NOS1AP: variants seen among roughly 807,000 people sequenced by gnomAD.
The protein encoded by NOS1AP is nitric oxide synthase 1 adaptor protein.
Under a neutral mutation model 56.2 loss-of-function variants are expected in NOS1AP, and 21 were observed. The ratio of observed to expected loss-of-function variants is 0.37; its 90% CI spans 0.26 to 0.54. The LOEUF is 0.54. Among genes scored for constraint, NOS1AP ranks in the 20% least tolerant of loss-of-function variants. NOS1AP has a pLI of 0.84. For synonymous variants in NOS1AP, 270 were observed against 274.6 expected (o/e 0.98, Z 0.17); for missense variants, 522 against 657.8 (o/e 0.79, Z 2.26).
At chr1:162,160,563 C>T (rs1221365899) in intron 2 of NOS1AP, among the ~76,000 whole-genome samples, 2 of 152,124 alleles carry the variant, frequency 1.3e-5, no homozygotes, top group East Asian at 1.9e-4. Flanking sequence ...CGCTTCGGCA[C>T]GTGGTCTCAT....
chr1:162,130,158 T>TA (rs1461638856), intron 1 of NOS1AP, among the ~76,000 whole-genome samples: 3 of 152,226 alleles, frequency 2.0e-5, no homozygotes, highest in Non-Finnish European at 4.4e-5. Context: ...CAGGTGGAGT[T>TA]ACGGCTATTT....
At chr1:162,323,816 C>T (rs1332268447) in intron 4 of NOS1AP, among the ~76,000 whole-genome samples, 3 of 152,238 alleles carry the variant, frequency 2.0e-5, no homozygotes, top group African/African-American at 7.2e-5. Flanking sequence ...GCAACCTCGA[C>T]TGAGCCTTTG....
intron 1 of NOS1AP, among the ~76,000 whole-genome samples, chr1:162,112,260 T>C (rs1197281273): frequency 6.6e-6 from 1 of 152,202 alleles, no homozygotes; most frequent in Non-Finnish European, 1.5e-5. Context: ...ACATTTTTAC[T>C]TGGCATGGCC....
intron 2 of NOS1AP, among the ~76,000 whole-genome samples, chr1:162,256,462 G>A (rs188752943): frequency 1.4e-3 from 219 of 152,280 alleles, no homozygotes; most frequent in East Asian, 6.6e-3. Flanking sequence ...TCCCCGCACC[G>A]ATTGTGGACA....
chr1:162,269,330 ATTC>A (rs1654515805), intron 2 of NOS1AP, among the ~76,000 whole-genome samples: 1 of 152,152 alleles, frequency 6.6e-6, no homozygotes, highest in Non-Finnish European at 1.5e-5. Flanking sequence ...ATTTCCTTTT[ATTC>A]TTTGTAGTGA....
intron 1 of NOS1AP, among the ~76,000 whole-genome samples, chr1:162,107,346 A>T (rs975896517): frequency 3.9e-5 from 6 of 152,196 alleles, no homozygotes; most frequent in Non-Finnish European, 8.8e-5. Flanking sequence ...AACATAATTT[A>T]AAAAATAGAG....
At chr1:162,357,272 G>T (rs1033047083) in intron 8 of NOS1AP, 136 bp downstream of exon 8, 19 of 1,471,022 alleles carry the variant, frequency 1.3e-5, no homozygotes, top group Non-Finnish European at 1.6e-5. Flanking sequence ...ATCATTGCTT[G>T]TTGGGGAGTG....
At chr1:162,235,319 G>A (rs140725833) in intron 2 of NOS1AP, among the ~76,000 whole-genome samples, 207 of 152,206 alleles carry the variant, frequency 1.4e-3, no homozygotes, top group African/African-American at 4.7e-3. Context: ...GTGGCAACAG[G>A]CATGACCCTT....
At chr1:162,113,763 C>T (rs1425706641) in intron 1 of NOS1AP, among the ~76,000 whole-genome samples, 2 of 152,130 alleles carry the variant, frequency 1.3e-5, no homozygotes, top group African/African-American at 4.8e-5. Flanking sequence ...ACCTCCCATA[C>T]TGCGGATTAC....
intron 2 of NOS1AP, among the ~76,000 whole-genome samples, chr1:162,232,595 C>T (rs1653157764): frequency 1.3e-5 from 2 of 151,850 alleles, no homozygotes; most frequent in African/African-American, 4.8e-5. Context: ...TCTGCTGACA[C>T]AGCTACAAGA....
intron 2 of NOS1AP, among the ~76,000 whole-genome samples, chr1:162,225,737 A>C (rs1250517095): frequency 6.6e-6 from 1 of 152,160 alleles, no homozygotes; most frequent in African/African-American, 2.4e-5. Context: ...AAGTTTTGGG[A>C]TCAAGTCTCA....
chr1:162,287,495 G>A (rs1472266363), intron 3 of NOS1AP, 59 bp downstream of exon 3: 1 of 1,107,728 alleles, frequency 9.0e-7, no homozygotes, highest in Non-Finnish European at 1.4e-6. Context: ...GTAGGCATGG[G>A]GTACCTTCTT....
intron 4 of NOS1AP, among the ~76,000 whole-genome samples, chr1:162,331,070 C>T (rs1336809118): frequency 2.0e-5 from 3 of 151,986 alleles, no homozygotes; most frequent in African/African-American, 4.8e-5. Flanking sequence ...GAGGAGATGT[C>T]CAGGAAGGTT....
chr1:162,137,544 A>G (rs1649057253), intron 1 of NOS1AP, among the ~76,000 whole-genome samples: 1 of 152,132 alleles, frequency 6.6e-6, no homozygotes, highest in African/African-American at 2.4e-5. Flanking sequence ...TGAGGCACTT[A>G]GAAGTAAACC....
chr1:162,278,664 CGTGTGTGTGTGTGT>C lies in NOS1AP; in HGVS notation c.178-8645_178-8632del, dbSNP rs57058985. On this transcript the variant is annotated intron_variant, in intron 2 of 9. Coordinates refer to ENST00000361897, the MANE Select transcript of NOS1AP (RefSeq NM_014697.3). The stretch of plus-strand genomic sequence containing the variant: ...TACTAGGAAACGTTTACTCCTTCTA[CGTGTGTGTGTGTGT>C]GTGTGTGTGTGTGTGTGTGTGTGTG... Among the ~76,000 whole-genome samples the C allele has an allele frequency of 3.8e-3, 540 of 143,198 alleles. 1 individual carries two copies. The highest frequency in any genetic ancestry group is 0.013 in the African/African-American group (507 of 39,410). The allele number at this position is 143,198 out of a possible 152,430, so 93.9% of individuals were successfully genotyped here.
intron 1 of NOS1AP, among the ~76,000 whole-genome samples, chr1:162,133,468 G>T (rs2102065649): frequency 6.6e-6 from 1 of 152,238 alleles, no homozygotes; most frequent in Admixed American, 6.5e-5. Context: ...ATACTCTCTT[G>T]CTGTCTTATT....
In NOS1AP at chr1:162,081,774, A is replaced by ATATATATTTTTTTTTTTTTTTTTTT; in HGVS notation, c.105+11493_105+11494insATATATTTTTTTTTTTTTTTTTTTT. On this transcript the variant is annotated intron_variant, in intron 1 of 9. Coordinates refer to ENST00000361897, the MANE Select transcript of NOS1AP (RefSeq NM_014697.3). ...TCTATAGATATATATATATATATAT[A>ATATATATTTTTTTTTTTTTTTTTTT]TTTTTTTTTTGTAGAGATGGGTTTT... Among the ~76,000 whole-genome samples, 18 of 44,040 alleles carry ATATATATTTTTTTTTTTTTTTTTTT rather than the reference A, an allele frequency of 4.1e-4. 1 individual carries two copies. Among genetic ancestry groups the ATATATATTTTTTTTTTTTTTTTTTT allele is most frequent in the Non-Finnish European group, 5.1e-4 (11 of 21,582 alleles). 28.9% of individuals were successfully genotyped at this position (44,040 alleles called of 152,430 possible).
intron 1 of NOS1AP, among the ~76,000 whole-genome samples, chr1:162,105,025 C>T (rs1647440789): frequency 6.6e-6 from 1 of 152,178 alleles, no homozygotes; most frequent in African/African-American, 2.4e-5. Context: ...TTGATTGTTT[C>T]TCATCTTTAT....
intron 2 of NOS1AP, among the ~76,000 whole-genome samples, chr1:162,190,080 T>A (rs1158736431): frequency 2.6e-5 from 4 of 152,228 alleles, no homozygotes; most frequent in Non-Finnish European, 4.4e-5. Context: ...TCCAGGCCTG[T>A]GAATTGATGC....
Sources: allele counts gnomAD v4.1 joint callset (sites outside exome capture counted in the v4.1 genomes callset), GRCh38; gene constraint gnomAD v4.1.1; transcripts MANE v1.5; gene names NCBI Gene and HGNC (gene_info 2026-07-23, HGNC 2026-07-21).